SNTG1: variants seen among roughly 807,000 people sequenced by gnomAD.
SNTG1 encodes syntrophin gamma 1, also known as gamma-1-syntrophin.
SNTG1 carries 39 observed loss-of-function variants against 74.7 expected under a neutral mutation model. That is an observed-to-expected ratio of 0.52 (90% CI 0.40 to 0.68). The LOEUF is 0.68. Ranked by LOEUF, SNTG1 falls within the 30% of genes least tolerant of loss-of-function variation. The probability of loss-of-function intolerance (pLI) is 0.00; values close to 1 mark genes in which losing one functional copy is unlikely to be tolerated. For missense variants in SNTG1, 685 were observed against 609.5 expected (o/e 1.12, Z -1.30); for synonymous variants, 254 against 217.1 (o/e 1.17, Z -1.49).
intron 1 of SNTG1, among the ~76,000 whole-genome samples, chr8:49,969,729 A>C (rs764371656): frequency 6.6e-6 from 1 of 152,052 alleles, no homozygotes; most frequent in Non-Finnish European, 1.5e-5. Context: ...CATCCATTAC[A>C]TATGATCATG....
chr8:50,500,361 T>A (rs1431589981), intron 8 of SNTG1, among the ~76,000 whole-genome samples: 1 of 151,986 alleles, frequency 6.6e-6, no homozygotes, highest in African/African-American at 2.4e-5. Flanking sequence ...GATTTTAAAA[T>A]TTATGAAAAA....
At chr8:50,386,022 G>A (rs1371154141) in intron 2 of SNTG1, among the ~76,000 whole-genome samples, 1 of 152,118 alleles carries the variant, frequency 6.6e-6, no homozygotes, top group Non-Finnish European at 1.5e-5. Context: ...ATTGTTCTTG[G>A]TTTGCTATTT....
intron 8 of SNTG1, among the ~76,000 whole-genome samples, chr8:50,482,717 C>A (rs1322528850): frequency 6.6e-6 from 1 of 152,178 alleles, no homozygotes; most frequent in Non-Finnish European, 1.5e-5. Context: ...AGGCAAGTGG[C>A]CTCTGAAAAA....
At chr8:50,682,936 A>AT (rs1293779288) in intron 15 of SNTG1, among the ~76,000 whole-genome samples, 1 of 152,076 alleles carries the variant, frequency 6.6e-6, no homozygotes, top group Non-Finnish European at 1.5e-5. Context: ...CCTGAAGATC[A>AT]TTTTTCCTAT....
chr8:50,590,104 G>T (rs1224621542), intron 12 of SNTG1, among the ~76,000 whole-genome samples: 1 of 152,028 alleles, frequency 6.6e-6, no homozygotes, highest in African/African-American at 2.4e-5. Flanking sequence ...ACCAAAAAAG[G>T]ACAAAATAAA....
chr8:50,467,846 G>GAGTTCAAAAT (rs1436670004), intron 8 of SNTG1, among the ~76,000 whole-genome samples: 1 of 151,584 alleles, frequency 6.6e-6, no homozygotes, highest in Non-Finnish European at 1.5e-5. Flanking sequence ...CACTTTTATT[G>GAGTTCAAAAT]AGTTCAAAAT....
intron 2 of SNTG1, among the ~76,000 whole-genome samples, chr8:50,218,340 A>C (rs1056118958): frequency 3.9e-5 from 6 of 152,164 alleles, no homozygotes; most frequent in African/African-American, 1.4e-4. Flanking sequence ...TTTAAGAAAA[A>C]AAATTTAAAT....
chr8:50,415,155 ATGT>A (rs1563355069), intron 4 of SNTG1, among the ~76,000 whole-genome samples: 1 of 152,206 alleles, frequency 6.6e-6, no homozygotes, highest in Non-Finnish European at 1.5e-5. Flanking sequence ...GAGTGAACAA[ATGT>A]TGTTTAAATG....
chr8:50,687,152 AAT>A (rs201537955), intron 15 of SNTG1, among the ~76,000 whole-genome samples: 3,422 of 146,220 alleles, frequency 0.023, 152 homozygotes, highest in African/African-American at 0.078. Flanking sequence ...AAAAAAAAAA[AAT>A]AAAATAAACA....
At chr8:50,210,588 A>G (rs536939272) in intron 2 of SNTG1, among the ~76,000 whole-genome samples, 1 of 152,342 alleles carries the variant, frequency 6.6e-6, no homozygotes, top group South Asian at 2.1e-4. Flanking sequence ...ATTCTTAAAG[A>G]CAAGAATTTT....
At chr8:50,509,007 C>T (rs1441875097) in intron 9 of SNTG1, among the ~76,000 whole-genome samples, 5 of 152,116 alleles carry the variant, frequency 3.3e-5, no homozygotes, top group African/African-American at 1.2e-4. Flanking sequence ...TGCCTATGTC[C>T]TGAATGGTAT....
chr8:50,341,299 C>T (rs937433781), intron 2 of SNTG1, among the ~76,000 whole-genome samples: 2 of 151,794 alleles, frequency 1.3e-5, no homozygotes. Context: ...AAACATGGGA[C>T]AAATAAGAGT....
intron 13 of SNTG1, among the ~76,000 whole-genome samples, chr8:50,624,736 A>T (rs1020553211): frequency 6.6e-6 from 1 of 152,158 alleles, no homozygotes; most frequent in African/African-American, 2.4e-5. Flanking sequence ...CATGCATTGC[A>T]CTTTCACAAC....
At chr8:50,222,302 G>T (rs1440175909) in intron 2 of SNTG1, among the ~76,000 whole-genome samples, 1 of 152,108 alleles carries the variant, frequency 6.6e-6, no homozygotes. Flanking sequence ...TGAGGGAGGG[G>T]CTACTATCAT....
intron 1 of SNTG1, among the ~76,000 whole-genome samples, chr8:50,057,141 A>G (rs1003252600): frequency 6.6e-6 from 1 of 152,138 alleles, no homozygotes; most frequent in South Asian, 2.1e-4. Context: ...GCCTCTCTCT[A>G]TCATTTCTTT....
chr8:50,003,242 A>G (rs1024186883), intron 1 of SNTG1, among the ~76,000 whole-genome samples: 2 of 152,238 alleles, frequency 1.3e-5, no homozygotes, highest in Non-Finnish European at 2.9e-5. Context: ...AGCTGATGAT[A>G]TAAAAATTGT....
chr8:50,748,522 T>C lies in SNTG1; in HGVS notation c.1285-3479T>C, dbSNP rs138362085. Among the ~76,000 whole-genome samples, 946 of 152,138 alleles carry C rather than the reference T, an allele frequency of 6.2e-3. 3 individuals are homozygous for C. Among genetic ancestry groups the C allele is most frequent in the Non-Finnish European group, 9.3e-3 (635 of 67,946 alleles). On this transcript the variant is annotated intron_variant, in intron 17 of 18. Coordinates refer to ENST00000642720, the MANE Select transcript of SNTG1 (RefSeq NM_018967.5). ...GTGAATGTATTGACATAAGTGCTAA[T>C]TTACAGGCATACCTCATTTTATCAT...
intron 1 of SNTG1, among the ~76,000 whole-genome samples, chr8:50,013,601 T>C (rs1484893543): frequency 6.6e-6 from 1 of 152,048 alleles, no homozygotes; most frequent in African/African-American, 2.4e-5. Context: ...AAAAGTACTG[T>C]GTTTAAAATT....
At chr8:50,350,208 C>T (rs1318445159) in intron 2 of SNTG1, among the ~76,000 whole-genome samples, 4 of 152,100 alleles carry the variant, frequency 2.6e-5, no homozygotes, top group South Asian at 4.1e-4. Context: ...GCCCCCACCC[C>T]GTGGGCTCCT....
Sources: allele counts gnomAD v4.1 joint callset (sites outside exome capture counted in the v4.1 genomes callset), GRCh38; gene constraint gnomAD v4.1.1; transcripts MANE v1.5; gene names NCBI Gene and HGNC (gene_info 2026-07-23, HGNC 2026-07-21).